ERC2: variants seen among roughly 807,000 people sequenced by gnomAD.
ERC2 encodes ELKS/RAB6-interacting/CAST family member 2.
ERC2 carries 42 observed loss-of-function variants against 114.8 expected under a neutral mutation model. That is an observed-to-expected ratio of 0.37 (90% CI 0.29 to 0.47). The LOEUF (loss-of-function observed/expected upper bound fraction) is 0.47. Among genes scored for constraint, ERC2 ranks in the 20% least tolerant of loss-of-function variants. ERC2 has a pLI of 0.99. For synonymous variants in ERC2, 454 were observed against 425.5 expected (o/e 1.07, Z -0.82); for missense variants, 939 against 1,150.7 (o/e 0.82, Z 2.66).
chr3:56,195,016 C>T (rs963383718), intron 3 of ERC2, among the ~76,000 whole-genome samples: 1 of 152,102 alleles, frequency 6.6e-6, no homozygotes, highest in Non-Finnish European at 1.5e-5. Flanking sequence ...TATTATATTA[C>T]CTATGATGAA....
At chr3:56,445,918 T>C (rs1215995077) in intron 1 of ERC2, among the ~76,000 whole-genome samples, 2 of 152,068 alleles carry the variant, frequency 1.3e-5, no homozygotes, top group Non-Finnish European at 2.9e-5. Flanking sequence ...TTTTTTTTCA[T>C]GATGTGAAAG....
chr3:55,907,556 T>C (rs754315666), intron 13 of ERC2, among the ~76,000 whole-genome samples: 4 of 152,222 alleles, frequency 2.6e-5, no homozygotes, highest in East Asian at 1.9e-4. Flanking sequence ...GTGTATTCTG[T>C]AATTTGATGT....
chr3:55,846,693 T>TCTCTCTC (rs1553702627), intron 14 of ERC2, among the ~76,000 whole-genome samples: 1 of 142,818 alleles, frequency 7.0e-6, no homozygotes, highest in South Asian at 2.3e-4. Flanking sequence ...CTCTCTCTCT[T>TCTCTCTC]TCTCTCTCTC....
chr3:56,104,452 T>G (rs2078535403), intron 6 of ERC2, among the ~76,000 whole-genome samples: 1 of 152,216 alleles, frequency 6.6e-6, no homozygotes, highest in African/African-American at 2.4e-5. Context: ...CCTCTAATTT[T>G]CCCTTCTTAG....
At chr3:56,465,561 G>A (rs2063506758) in intron 1 of ERC2, among the ~76,000 whole-genome samples, 1 of 152,142 alleles carries the variant, frequency 6.6e-6, no homozygotes, top group Non-Finnish European at 1.5e-5. Context: ...GATGTTAAGA[G>A]CATTTATTCA....
At chr3:56,321,925 T>C (rs553619205) in intron 2 of ERC2, among the ~76,000 whole-genome samples, 208 of 152,344 alleles carry the variant, frequency 1.4e-3, no homozygotes, top group African/African-American at 4.6e-3. Context: ...AATCATGTAT[T>C]TGCATTTTTT....
At chr3:55,718,562 T>C (rs1297935200) in intron 15 of ERC2, among the ~76,000 whole-genome samples, 1 of 152,178 alleles carries the variant, frequency 6.6e-6, no homozygotes, top group Non-Finnish European at 1.5e-5. Flanking sequence ...CCAGAGGTCA[T>C]GTAAATGTGG....
intron 6 of ERC2, among the ~76,000 whole-genome samples, chr3:56,127,455 C>T (rs1267474784): frequency 1.3e-5 from 2 of 152,150 alleles, no homozygotes; most frequent in Admixed American, 6.5e-5. Context: ...AGGCTGGCCG[C>T]AGTAGCTCAC....
chr3:56,226,169 T>C (rs1225005636), intron 3 of ERC2, among the ~76,000 whole-genome samples: 1 of 152,170 alleles, frequency 6.6e-6, no homozygotes, highest in Non-Finnish European at 1.5e-5. Flanking sequence ...ATGACCTATA[T>C]TTCACTTATA....
intron 13 of ERC2, among the ~76,000 whole-genome samples, chr3:55,945,327 C>T (rs977225485): frequency 6.6e-6 from 1 of 152,164 alleles, no homozygotes; most frequent in Non-Finnish European, 1.5e-5. Flanking sequence ...AATGGCAGTA[C>T]TTAGGTAAGT....
chr3:55,980,092 C>T (rs542062618), intron 12 of ERC2, among the ~76,000 whole-genome samples: 1 of 137,790 alleles, frequency 7.3e-6, no homozygotes, highest in Non-Finnish European at 1.5e-5. Flanking sequence ...TATGTTTGCA[C>T]GAAGTGTAAA....
chr3:55,775,537 A>AAAATAAAGAAAT (rs2068528777), intron 14 of ERC2, among the ~76,000 whole-genome samples: 1 of 133,278 alleles, frequency 7.5e-6, no homozygotes, highest in Non-Finnish European at 1.6e-5. Context: ...ACCCTGTCTC[A>AAAATAAAGAAAT]AAATAAATAA....
intron 13 of ERC2, among the ~76,000 whole-genome samples, chr3:55,914,703 C>G (rs1215365361): frequency 1.3e-5 from 2 of 152,166 alleles, no homozygotes; most frequent in Non-Finnish European, 2.9e-5. Flanking sequence ...TTCCAACCAG[C>G]AGATGTAAAC....
intron 3 of ERC2, among the ~76,000 whole-genome samples, chr3:56,269,544 A>G (rs1384955697): frequency 6.6e-6 from 1 of 152,238 alleles, no homozygotes; most frequent in Admixed American, 6.5e-5. Context: ...TATTGTCAAA[A>G]GTGAGAGGTG....
chr3:55,907,901 A>C (rs113328036), intron 13 of ERC2, among the ~76,000 whole-genome samples: 2 of 152,246 alleles, frequency 1.3e-5, no homozygotes, highest in African/African-American at 4.8e-5. Context: ...AACAATAGGC[A>C]GGGCAGAATT....
chr3:56,244,039 A>G (rs1335509897), intron 3 of ERC2, among the ~76,000 whole-genome samples: 2 of 152,134 alleles, frequency 1.3e-5, no homozygotes, highest in East Asian at 1.9e-4. Context: ...AGATACTTAT[A>G]ATATTTTACA....
intron 1 of ERC2, among the ~76,000 whole-genome samples, chr3:56,448,227 C>T (rs568688885): frequency 6.6e-6 from 1 of 152,142 alleles, no homozygotes; most frequent in Non-Finnish European, 1.5e-5. Flanking sequence ...TCTCTCTTCC[C>T]TCCTATTATA....
chr3:55,534,525 C>G (rs2053872276), intron 17 of ERC2, among the ~76,000 whole-genome samples: 2 of 151,768 alleles, frequency 1.3e-5, no homozygotes, highest in Non-Finnish European at 2.9e-5. Flanking sequence ...GAAAGCCTGC[C>G]TCTACAAAAA....
chr3:55,733,457 C>T lies in ERC2; in HGVS notation c.2712+1314G>A, dbSNP rs1170377475. 7.2e-5 allele frequency among the ~76,000 whole-genome samples: 7 copies of T among 97,850 alleles called. No individual in the cohort carries two copies. In the East Asian group the frequency reaches 2.0e-3, roughly 29 times the overall value. The allele number at this position is 97,850 out of a possible 152,430, so 64.2% of individuals were successfully genotyped here. ...TCATTCTCTCTGTCTCTCATTCTCT[C>T]TCTCTCTCACACACACACACACACA... is the stretch of plus-strand genomic sequence containing the variant. On this transcript the variant is annotated intron_variant, in intron 15 of 17. Transcript: ENST00000288221.
Sources: allele counts gnomAD v4.1 joint callset (sites outside exome capture counted in the v4.1 genomes callset), GRCh38; gene constraint gnomAD v4.1.1; transcripts MANE v1.5; gene names NCBI Gene and HGNC (gene_info 2026-07-23, HGNC 2026-07-21).